Variants in HLF observed in about 807,000 individuals in gnomAD.
HLF encodes hepatic leukemia factor.
In HLF, 3 loss-of-function variants were observed where a neutral mutation model predicts 22.6. The ratio of observed to expected loss-of-function variants is 0.13; its 90% CI spans 0.06 to 0.34. HLF has a LOEUF of 0.34. Ranked by LOEUF, HLF falls within the 10% of genes least tolerant of loss-of-function variation. The probability of loss-of-function intolerance (pLI) is 1.00; values close to 1 mark genes in which losing one functional copy is unlikely to be tolerated. For synonymous variants in HLF, 151 were observed against 151.8 expected, an observed-to-expected ratio of 0.99 and a Z score of 0.04; for missense variants, 299 against 389.2, an observed-to-expected ratio of 0.77 and a Z score of 1.95.
At chr17:55,313,182 A>T (rs925392055) in intron 2 of HLF, among the ~76,000 whole-genome samples, 2 of 152,192 alleles carry the variant, frequency 1.3e-5, no homozygotes, top group Admixed American at 6.5e-5. Flanking sequence ...GGGAAGTGTT[A>T]TTGTTAGAAT....
At chr17:55,269,980 G>T (rs1025032210) in intron 2 of HLF, among the ~76,000 whole-genome samples, 1 of 152,134 alleles carries the variant, frequency 6.6e-6, no homozygotes, top group Non-Finnish European at 1.5e-5. Context: ...GCACATATTG[G>T]GTGTTCACAC....
At chr17:55,315,162 A>G (rs1389682537) in intron 2 of HLF, 65 bp from the exon 3 acceptor site, 18 of 1,230,686 alleles carry the variant, frequency 1.5e-5, no homozygotes, top group Non-Finnish European at 2.2e-5. Context: ...TCAGAGCACC[A>G]TTAAGTAGCT....
intron 2 of HLF, among the ~76,000 whole-genome samples, chr17:55,307,896 A>T (rs940635354): frequency 1.3e-5 from 2 of 151,974 alleles, no homozygotes; most frequent in African/African-American, 4.8e-5. Context: ...GAGGAAAGTC[A>T]GAGGGTTCGA....
At position 55,321,050 on chromosome 17, in the gene HLF, CTCA is replaced by C; in HGVS notation, c.*173_*175del. The C allele has an allele frequency of 3.3e-6, 2 of 605,752 alleles. No homozygotes were observed. The highest frequency in any genetic ancestry group is 2.0e-5 in the South Asian group (1 of 51,012). 37.5% of individuals were successfully genotyped at this position (605,752 alleles called of 1,614,324 possible). On this transcript the variant is annotated 3_prime_UTR_variant, in exon 4 of 4. Coordinates refer to ENST00000226067, the MANE Select transcript of HLF (RefSeq NM_002126.5). ...GTGTGTGCGTGTATATGTGCTTGTGCTCATGTGTGTGGTCAGCGGTATGTGCGT... is the reference window on the plus strand; with the variant it reads ...GTGTGTGCGTGTATATGTGCTTGTGCTGTGTGTGGTCAGCGGTATGTGCGT...
Position 55,321,240 on chromosome 17 carries a change from G to A in HLF, c.*361G>A, listed in dbSNP as rs975689237. On this transcript the variant is annotated 3_prime_UTR_variant, in exon 4 of 4. Coordinates refer to ENST00000226067, the MANE Select transcript of HLF (RefSeq NM_002126.5). ...GCCTCCTCAGCTTTGCTTCATGTTC[G>A]AGCTTACCTACTCTTCCAGGACTCT... The A allele has an allele frequency of 6.0e-5, 17 of 282,068 alleles. No individual in the cohort carries two copies. In the East Asian group the frequency reaches 8.4e-4, roughly 14 times the overall value. The allele number at this position is 282,068 out of a possible 1,614,324, so 17.5% of individuals were successfully genotyped here.
chr17:55,310,513 C>A (rs922360984), intron 2 of HLF, among the ~76,000 whole-genome samples: 2 of 137,942 alleles, frequency 1.4e-5, no homozygotes, highest in Non-Finnish European at 3.3e-5. Context: ...TAGAACAAGC[C>A]TTTATATTGA....
At position 55,321,362 on chromosome 17, in the gene HLF, C is replaced by G. The variant is rs1168548371; in HGVS notation, c.*483C>G. ...TCTGTTTAGTCCGTAAGTTACCATG[C>G]TAATGAGGTGCACACAATAACTTAG... On this transcript the variant is annotated 3_prime_UTR_variant, in exon 4 of 4. Coordinates refer to ENST00000226067, the MANE Select transcript of HLF (RefSeq NM_002126.5). 1 of 239,614 alleles carries G rather than the reference C, an allele frequency of 4.2e-6. No individual in the cohort carries two copies. Among genetic ancestry groups the G allele is most frequent in the Non-Finnish European group, 8.2e-6 (1 of 121,422 alleles). 14.8% of individuals were successfully genotyped at this position (239,614 alleles called of 1,614,324 possible).
At chr17:55,315,538 C>T (rs1383011082) in intron 3 of HLF, 91 bp downstream of exon 3, 1 of 920,420 alleles carries the variant, frequency 1.1e-6, no homozygotes, top group Non-Finnish European at 1.7e-6. Flanking sequence ...ATCCCAGAAG[C>T]TAGTGCATGA....
chr17:55,281,494 C>T (rs1567814604), intron 2 of HLF, among the ~76,000 whole-genome samples: 1 of 152,146 alleles, frequency 6.6e-6, no homozygotes, highest in African/African-American at 2.4e-5. Flanking sequence ...GCCTGGGCAA[C>T]AAGAGCAAAA....
Position 55,320,781 on chromosome 17 carries a change from A to AGGTGGCTG in HLF, c.790_791insGGTGGCTG (p.Asn264ArgfsTer14). 6.2e-7 allele frequency: 1 copy of AGGTGGCTG among 1,613,904 alleles called. No individual in the cohort carries two copies. Reference sequence around the variant, plus strand: ...CCGGGCCTCGTTCCTGGAGAAGGAGAACTCGGCCCTCCGCCAGGAGGTGGC... The same window carrying AGGTGGCTG: ...CCGGGCCTCGTTCCTGGAGAAGGAGAGGTGGCTGACTCGGCCCTCCGCCAGGAGGTGGC... On this transcript the variant is annotated frameshift_variant, in exon 4 of 4. Coordinates refer to ENST00000226067, the MANE Select transcript of HLF (RefSeq NM_002126.5). LOFTEE classifies it high-confidence loss of function. The surrounding 1 kb of genome is among the most constrained non-coding windows in gnomAD (Gnocchi z 4.2).
intron 2 of HLF, chr17:55,288,783 A>G (rs1057367811): frequency 1.5e-5 from 5 of 323,012 alleles, no homozygotes; most frequent in Non-Finnish European, 2.2e-5. Flanking sequence ...AATTAAAAAA[A>G]ATATTCAAGA....
intron 2 of HLF, among the ~76,000 whole-genome samples, chr17:55,281,231 C>T (rs113028288): frequency 5.3e-5 from 8 of 152,232 alleles, no homozygotes; most frequent in South Asian, 2.1e-4. Flanking sequence ...CTCTGAGTCG[C>T]GGCCAGGCGC....
chr17:55,292,551 C>CA (rs536217086), intron 2 of HLF, among the ~76,000 whole-genome samples: 80 of 147,292 alleles, frequency 5.4e-4, no homozygotes, highest in East Asian at 4.7e-3. Flanking sequence ...ACTGGGAAAC[C>CA]AAAAAAAAAA....
intron 2 of HLF, chr17:55,271,535 T>C (rs35428054): frequency 6.6e-6 from 1 of 152,112 alleles, no homozygotes; most frequent in South Asian, 2.1e-4. Context: ...TACTTATTTG[T>C]TTATTTATTT....
chr17:55,281,944 C>T lies in HLF; in HGVS notation c.451+13858C>T, dbSNP rs556733471. Among the ~76,000 whole-genome samples the T allele has an allele frequency of 4.6e-5, 7 of 152,242 alleles. No individual in the cohort carries two copies. In the East Asian group the frequency reaches 1.2e-3, roughly 25 times the overall value. On this transcript the variant is annotated intron_variant, in intron 2 of 3. Transcript: ENST00000226067. ...CAGAGAAACACAGTCCTAATAGCAT[C>T]GGCACGTGATTGTGGGGCCCTTTAG...
intron 2 of HLF, among the ~76,000 whole-genome samples, chr17:55,291,524 G>A (rs922473861): frequency 3.9e-5 from 6 of 152,062 alleles, no homozygotes; most frequent in African/African-American, 1.4e-4. Flanking sequence ...CTACTGCTCA[G>A]GAAAAAAAAT....
chr17:55,275,969 A>G (rs1398067864), intron 2 of HLF, among the ~76,000 whole-genome samples: 2 of 152,140 alleles, frequency 1.3e-5, no homozygotes, highest in Admixed American at 6.5e-5. Context: ...TTAGCTGGAT[A>G]TGGTGGCACG....
At chr17:55,265,694 G>A (rs894771480) in intron 1 of HLF, 95 bp downstream of exon 1, 1 of 1,089,934 alleles carries the variant, frequency 9.2e-7, no homozygotes, top group South Asian at 1.7e-5. Context: ...CCCCAACCCC[G>A]CTCCCGCCCT....
intron 2 of HLF, among the ~76,000 whole-genome samples, chr17:55,291,406 T>C (rs1046945871): frequency 2.6e-5 from 4 of 152,206 alleles, no homozygotes; most frequent in Non-Finnish European, 5.9e-5. Flanking sequence ...TTGAGAATTA[T>C]ACTAAATCTA....
Sources: allele counts gnomAD v4.1 joint callset (sites outside exome capture counted in the v4.1 genomes callset), GRCh38; gene constraint gnomAD v4.1.1; non-coding constraint Gnocchi (gnomAD v3.1); transcripts MANE v1.5; gene names NCBI Gene and HGNC (gene_info 2026-07-23, HGNC 2026-07-21).